CA2: variants seen among roughly 807,000 people sequenced by gnomAD.
CA2 encodes the protein carbonate dehydratase II.
In CA2, 23 loss-of-function variants were observed where a neutral mutation model predicts 27.8. The observed-to-expected ratio is 0.83, with a 90% CI of 0.59 to 1.17. The LOEUF is 1.17. Among genes scored for constraint, CA2 ranks in the 50% most tolerant of loss-of-function variants. The probability of loss-of-function intolerance (pLI) is 0.00; values close to 1 mark genes in which losing one functional copy is unlikely to be tolerated. For synonymous variants in CA2, 99 were observed against 114.9 expected, an observed-to-expected ratio of 0.86 and a Z score of 0.88; for missense variants, 300 against 314.7, an observed-to-expected ratio of 0.95 and a Z score of 0.35.
At position 85,475,783 on chromosome 8, in the gene CA2, T is replaced by A. The variant is rs906821047; in HGVS notation, c.445-15T>A. 5.6e-6 allele frequency: 9 copies of A among 1,612,686 alleles called. No individual in the cohort carries two copies. In the Admixed American group the frequency reaches 1.2e-4, roughly 21 times the overall value. ...AACTGGGTGATAGTATCTTGCCCTT[T>A]ATGTTTTTCTTTAGGTTGGCAGCGC... On this transcript the variant is annotated splice_polypyrimidine_tract_variant and intron_variant, in intron 4 of 6. Transcript: ENST00000285379.
chr8:85,464,345 C>A, intron 1 of CA2: 1 of 449,598 alleles, frequency 2.2e-6, no homozygotes. Flanking sequence ...TGGAGGAATC[C>A]CCGCGTCCGC....
At chr8:85,478,905 T>C (rs1811846677) in intron 6 of CA2, among the ~76,000 whole-genome samples, 2 of 152,302 alleles carry the variant, frequency 1.3e-5, no homozygotes, top group South Asian at 4.1e-4. Flanking sequence ...GAGGAGGAAA[T>C]GAATACCTCT....
chr8:85,478,633 G>A (rs1028149672), intron 6 of CA2, among the ~76,000 whole-genome samples: 1 of 152,188 alleles, frequency 6.6e-6, no homozygotes, highest in African/African-American at 2.4e-5. Flanking sequence ...ATTAATCCCT[G>A]TACCCTGAGT....
chr8:85,475,992 G>A, intron 5 of CA2, 132 bp downstream of exon 5: 1 of 731,056 alleles, frequency 1.4e-6, no homozygotes, highest in South Asian at 1.5e-5. Context: ...AGTAAAGGTA[G>A]AATATTACTT....
Position 85,467,824 on chromosome 8 carries a change from G to C in CA2, c.232+2355G>C, listed in dbSNP as rs532217821. On this transcript the variant is annotated intron_variant, in intron 2 of 6. Transcript: ENST00000285379. ...AATGCATACATTTTTAAAGAAGTTG[G>C]CCATGTTTAGATTGTGAAACAGATG... 2.0e-5 allele frequency among the ~76,000 whole-genome samples: 3 copies of C among 152,156 alleles called. No individual in the cohort carries two copies. In the East Asian group the frequency reaches 5.8e-4, roughly 29 times the overall value.
intron 4 of CA2, 185 bp downstream of exon 4, chr8:85,474,601 A>C (rs1256816801): frequency 7.9e-6 from 5 of 633,234 alleles, no homozygotes; most frequent in Non-Finnish European, 1.4e-5. Flanking sequence ...GCAGAAAGAC[A>C]ATAGGAGAGG....
intron 6 of CA2, among the ~76,000 whole-genome samples, chr8:85,480,427 T>TTGTG (rs1218759940): frequency 1.8e-4 from 26 of 141,934 alleles, no homozygotes; most frequent in African/African-American, 6.5e-4. Context: ...TGTTTAATTT[T>TTGTG]TGTGTGTGTG....
chr8:85,464,044 G>C lies in CA2; in HGVS notation c.-38G>C. The C allele has an allele frequency of 6.5e-7, 1 of 1,541,248 alleles. No individual in the cohort carries two copies. Among genetic ancestry groups the C allele is most frequent in the Non-Finnish European group, 8.7e-7 (1 of 1,146,210 alleles). ...CGCCCAAGCCGCCGCCGCCAGATCG[G>C]TGCCGATTCCTGCCCTGCCCCGACC... On this transcript the variant is annotated 5_prime_UTR_variant, in exon 1 of 7. Transcript: ENST00000285379.
At chr8:85,473,544 G>A in intron 2 of CA2, 149 bp from the exon 3 acceptor site, 1 of 694,510 alleles carries the variant, frequency 1.4e-6, no homozygotes. Flanking sequence ...GTGATTAAAG[G>A]CAAACATTTA....
At chr8:85,480,445 GT>G (rs34086448) in intron 6 of CA2, among the ~76,000 whole-genome samples, 177 of 144,516 alleles carry the variant, frequency 1.2e-3, no homozygotes, top group Non-Finnish European at 1.9e-3. Flanking sequence ...GTGTGTGTGT[GT>G]TTTTTTTTTT....
intron 6 of CA2, among the ~76,000 whole-genome samples, chr8:85,479,338 G>A (rs1008838427): frequency 2.6e-5 from 4 of 152,138 alleles, no homozygotes; most frequent in East Asian, 1.9e-4. Context: ...CAGATTGCTG[G>A]AATTCTGTTG....
At chr8:85,476,951 C>G (rs1193653452) in intron 5 of CA2, among the ~76,000 whole-genome samples, 169 bp from the exon 6 acceptor site, 1 of 149,012 alleles carries the variant, frequency 6.7e-6, no homozygotes, top group Non-Finnish European at 1.5e-5. Context: ...AGTTGAATGT[C>G]TTCTGTTAAT....
In CA2 at chr8:85,480,906, T is replaced by G; in HGVS notation, c.*117T>G. 1 of 1,012,400 alleles carries G rather than the reference T, an allele frequency of 9.9e-7. No individual in the cohort carries two copies. Among genetic ancestry groups the G allele is most frequent in the Non-Finnish European group, 1.5e-6 (1 of 655,876 alleles). 62.7% of individuals were successfully genotyped at this position (1,012,400 alleles called of 1,614,324 possible). A position where few individuals can be genotyped will look rare whatever the true frequency, so the allele number is the denominator to read the frequency against. Reference sequence around the variant, plus strand: ...GCTTTGTGTCTAGTTTTCTAGACCCTTCATCTCTTACTTGATAGACTTACT... The same window carrying G: ...GCTTTGTGTCTAGTTTTCTAGACCCGTCATCTCTTACTTGATAGACTTACT... On this transcript the variant is annotated 3_prime_UTR_variant, in exon 7 of 7. Transcript: ENST00000285379.
In CA2 at chr8:85,465,362, C is replaced by A. The variant is rs1811612182; in HGVS notation, c.125C>A (p.Pro42His). 1 of 1,613,812 alleles carries A rather than the reference C, an allele frequency of 6.2e-7. No individual in the cohort carries two copies. Among genetic ancestry groups the A allele is most frequent in the Admixed American group, 1.7e-5 (1 of 60,006 alleles). Residue 42 changes from proline to histidine, a missense_variant, in exon 2 of 7, where the codon CCT (proline) becomes CAT (histidine). By Grantham distance (77) the Pro-to-His change is moderately conservative. Around this residue, in one of 3 missense-constraint regions of CA2, gnomAD observed 122 missense variants for 133.2 expected, o/e 0.92. Coordinates refer to ENST00000285379, the MANE Select transcript of CA2 (RefSeq NM_000067.3). ...GACACTCATACAGCCAAGTATGACC[C>A]TTCCCTGAAGCCCCTGTCTGTTTCC... Reference protein sequence around the residue: ...DIDTHTAKYDPSLKPLSVSYD... With the variant: ...DIDTHTAKYDHSLKPLSVSYD...
At chr8:85,478,073 A>G (rs1431360507) in intron 6 of CA2, among the ~76,000 whole-genome samples, 7 of 152,244 alleles carry the variant, frequency 4.6e-5, no homozygotes, top group Non-Finnish European at 8.8e-5. Flanking sequence ...TAGAGCTGCA[A>G]TGTGCAATAG....
intron 6 of CA2, among the ~76,000 whole-genome samples, chr8:85,478,432 C>T (rs939641169): frequency 5.3e-5 from 8 of 152,050 alleles, no homozygotes; most frequent in African/African-American, 1.9e-4. Flanking sequence ...GATTATAATG[C>T]CCTTCTTTTT....
intron 4 of CA2, 67 bp from the exon 5 acceptor site, chr8:85,475,731 A>G (rs1349047214): frequency 7.0e-7 from 1 of 1,434,394 alleles, no homozygotes; most frequent in Non-Finnish European, 9.8e-7. Context: ...GAGCTACCCA[A>G]ATAAAAATAA....
intron 3 of CA2, chr8:85,474,104 G>C: frequency 1.6e-6 from 1 of 612,676 alleles, no homozygotes; most frequent in Non-Finnish European, 2.9e-6. Flanking sequence ...TGTCAAAACT[G>C]TACATTTATT....
intron 2 of CA2, among the ~76,000 whole-genome samples, chr8:85,471,987 G>A (rs1377929553): frequency 1.3e-5 from 2 of 152,050 alleles, no homozygotes; most frequent in Admixed American, 6.5e-5. Context: ...AATTCTTTCT[G>A]TTTTCATTCT....
Sources: gnomAD v4.1 joint callset for allele counts (sites outside exome capture counted in the v4.1 genomes callset) on GRCh38, gnomAD v4.1.1 for gene constraint, gnomAD v4.1.1 regional missense constraint, MANE v1.5 for transcripts, NCBI Gene and HGNC (gene_info 2026-07-23, HGNC 2026-07-21) for gene names.